SLITRK5: variants seen among roughly 807,000 people sequenced by gnomAD.
SLITRK5 encodes the protein SLIT and NTRK-like protein 5.
Under a neutral mutation model 56.2 loss-of-function variants are expected in SLITRK5, and 23 were observed. The observed-to-expected ratio is 0.41, with a 90% CI of 0.29 to 0.58. SLITRK5 has a LOEUF of 0.58. Ranked by LOEUF, SLITRK5 falls within the 20% of genes least tolerant of loss-of-function variation. SLITRK5 has a pLI of 0.30. For synonymous variants in SLITRK5, 637 were observed against 531.8 expected (o/e 1.20, Z -2.72); for missense variants, 1,289 against 1,226.6 (o/e 1.05, Z -0.76).
chr13:87,679,374 G>C lies in SLITRK5; in HGVS notation c.*1109G>C, dbSNP rs1045780846. ...TTGACTACTATTGTAGCCGATTTTC[G>C]ATTGTTTAACCAAACCCAGTTGCAT... On this transcript the variant is annotated 3_prime_UTR_variant, in exon 2 of 2. Transcript: ENST00000683689. 3 of 166,844 alleles carry C rather than the reference G, an allele frequency of 1.8e-5. No individual in the cohort carries two copies. The highest frequency in any genetic ancestry group is 4.4e-5 in the Non-Finnish European group (3 of 68,078). 10.3% of individuals were successfully genotyped at this position (166,844 alleles called of 1,614,324 possible).
chr13:87,677,491 C>T lies in SLITRK5; in HGVS notation c.2103C>T (p.Ser701=), dbSNP rs34892880. ...RRKKNQSDHT[S]TNNSDVSSFN... is the part of the protein sequence containing the mutation. ...AGAAGAACCAGAGCGACCACACCAG[C>T]ACCAACAACTCCGACGTGAGCTCCT... The change falls in exon 2 of 2, where the codon AGC becomes AGT. Residue 701 remains serine (S), a synonymous_variant. Coordinates refer to ENST00000683689, the MANE Select transcript of SLITRK5 (RefSeq NM_001384609.1). This position sits in a 1 kb window ranked among gnomAD's most constrained non-coding sequence, Gnocchi z 4.7. 0.01 allele frequency: 16,643 copies of T among 1,611,814 alleles called. 118 individuals are homozygous for T. The highest frequency in any genetic ancestry group is 0.012 in the Non-Finnish European group (13,680 of 1,179,944).
At chr13:87,673,667 C>T (rs1045624433) in intron 1 of SLITRK5, 10 of 497,480 alleles carry the variant, frequency 2.0e-5, no homozygotes, top group Admixed American at 1.6e-4. Flanking sequence ...GGGATACTTG[C>T]GAGGTTTATG....
In SLITRK5 at chr13:87,677,889, G is replaced by A; in HGVS notation, c.2501G>A (p.Ser834Asn). Residue 834 changes from serine (S) to asparagine (N), a missense_variant, in exon 2 of 2, where the codon AGC (serine) becomes AAC (asparagine). By Grantham distance (46) the Ser-to-Asn change is conservative (BLOSUM62 1). Around this residue, in one of 3 missense-constraint regions of SLITRK5, gnomAD observed 985 missense variants for 906.0 expected, o/e 1.09. Coordinates refer to ENST00000683689, the MANE Select transcript of SLITRK5 (RefSeq NM_001384609.1). This position sits in a 1 kb window ranked among gnomAD's most constrained non-coding sequence, Gnocchi z 4.7. ...CACCACTTGCGGAGCCCCGCCTACA[G>A]CGTCAGCACCATCGAGCCCCGGGAG... ...ESHHLRSPAYSVSTIEPREDL... is the reference protein window; with the variant it reads ...ESHHLRSPAYNVSTIEPREDL... The A allele has an allele frequency of 6.2e-7, 1 of 1,612,808 alleles. No individual in the cohort carries two copies. The highest frequency in any genetic ancestry group is 8.5e-7 in the Non-Finnish European group (1 of 1,179,522).
In SLITRK5 at chr13:87,677,567, C is replaced by A; in HGVS notation, c.2179C>A (p.Pro727Thr). Reference sequence around the variant, plus strand: ...CGGCGGCGGCGGCACGGGCGGCCACCCACACGCGCACGTGCATCACCGCGG... The same window carrying A: ...CGGCGGCGGCGGCACGGGCGGCCACACACACGCGCACGTGCATCACCGCGG... ...YGGGGGTGGHPHAHVHHRGPA... is the reference protein window; with the variant it reads ...YGGGGGTGGHTHAHVHHRGPA... The change falls in exon 2 of 2, where the codon CCA (proline) becomes ACA (threonine). Residue 727 changes from proline (P) to threonine (T), a missense_variant. Around this residue, in one of 3 missense-constraint regions of SLITRK5, gnomAD observed 985 missense variants for 906.0 expected, o/e 1.09. Transcript: ENST00000683689. This position sits in a 1 kb window ranked among gnomAD's most constrained non-coding sequence, Gnocchi z 4.7. The A allele has an allele frequency of 6.2e-7, 1 of 1,609,508 alleles. No individual in the cohort carries two copies. The highest frequency in any genetic ancestry group is 1.1e-5 in the South Asian group (1 of 90,920).
rs745556597 is a variant in SLITRK5, at chr13:87,676,726, G to A, written c.1338G>A (p.Ser446=). The A allele has an allele frequency of 6.2e-7, 1 of 1,613,934 alleles. No individual in the cohort carries two copies. Among genetic ancestry groups the A allele is most frequent in the Non-Finnish European group, 8.5e-7 (1 of 1,180,026 alleles). The change falls in exon 2 of 2, where the codon TCG becomes TCA. Residue 446 remains serine, a synonymous_variant. Transcript: ENST00000683689. ...TGCACCTGGGGAATAACCGCATCTC[G>A]ATGATCCAGGACCGCGCTTTCGGGG... The part of the protein sequence containing the change: ...DLLHLGNNRI[S]MIQDRAFGDL...
intron 1 of SLITRK5, chr13:87,673,425 T>G: frequency 2.0e-6 from 1 of 502,714 alleles, no homozygotes; most frequent in Non-Finnish European, 3.6e-6. Context: ...AACGCTGGAG[T>G]TTAATACTGG....
At position 87,679,253 on chromosome 13, in the gene SLITRK5, G is replaced by C. The variant is rs997942539; in HGVS notation, c.*988G>C. 3 of 167,050 alleles carry C rather than the reference G, an allele frequency of 1.8e-5. No homozygotes were observed. The highest frequency in any genetic ancestry group is 7.2e-5 in the African/African-American group (3 of 41,452). 10.3% of individuals were successfully genotyped at this position (167,050 alleles called of 1,614,324 possible). On this transcript the variant is annotated 3_prime_UTR_variant, in exon 2 of 2. Coordinates refer to ENST00000683689, the MANE Select transcript of SLITRK5 (RefSeq NM_001384609.1). ...ATGTATTTTAAAAAATAGGGCAATT[G>C]ATTGGGCCATTCCGAGAGAATTGTT...
chr13:87,673,492 A>C (rs1337546775), intron 1 of SLITRK5: 14 of 1,100,278 alleles, frequency 1.3e-5, no homozygotes, highest in Non-Finnish European at 1.6e-5. Flanking sequence ...GGGGGCGGGG[A>C]AGCACAGGGA....
In SLITRK5 at chr13:87,678,325, C is replaced by A; in HGVS notation, c.*60C>A. The stretch of plus-strand genomic sequence containing the variant: ...AAACAAACAAGCAAGCAGACACACA[C>A]AGTGAACACATTTGATTAATTGTGT... On this transcript the variant is annotated 3_prime_UTR_variant, in exon 2 of 2. Transcript: ENST00000683689. The A allele has an allele frequency of 7.1e-7, 1 of 1,417,128 alleles. No individual in the cohort carries two copies. The highest frequency in any genetic ancestry group is 9.7e-7 in the Non-Finnish European group (1 of 1,033,768). 87.8% of individuals were successfully genotyped at this position (1,417,128 alleles called of 1,614,324 possible). A position where few individuals can be genotyped will look rare whatever the true frequency, so the allele number is the denominator to read the frequency against.
At chr13:87,674,117 G>C (rs546208123) in intron 1 of SLITRK5, among the ~76,000 whole-genome samples, 1 of 151,920 alleles carries the variant, frequency 6.6e-6, no homozygotes, top group Non-Finnish European at 1.5e-5. Context: ...AGCCTTCAAG[G>C]GGACAAAAAG....
In SLITRK5 at chr13:87,678,600, G is replaced by C. The variant is rs1473248215; in HGVS notation, c.*335G>C. On this transcript the variant is annotated 3_prime_UTR_variant, in exon 2 of 2. Coordinates refer to ENST00000683689, the MANE Select transcript of SLITRK5 (RefSeq NM_001384609.1). ...GTGGTTGGAAGTGCTAAGAATGGTGGATGATGGCAGAGCATAGATTCTACT... is the reference window on the plus strand; with the variant it reads ...GTGGTTGGAAGTGCTAAGAATGGTGCATGATGGCAGAGCATAGATTCTACT... 1 of 255,820 alleles carries C rather than the reference G, an allele frequency of 3.9e-6. No individual in the cohort carries two copies. Among genetic ancestry groups the C allele is most frequent in the Non-Finnish European group, 8.0e-6 (1 of 125,432 alleles). 15.8% of individuals were successfully genotyped at this position (255,820 alleles called of 1,614,324 possible).
At position 87,678,146 on chromosome 13, in the gene SLITRK5, C is replaced by A; in HGVS notation, c.2758C>A (p.Pro920Thr). The change falls in exon 2 of 2, where the codon CCG (proline) becomes ACG (threonine). Residue 920 changes from proline to threonine, a missense_variant. Pro to Thr is a conservative substitution (Grantham distance 38). Around this residue, in one of 3 missense-constraint regions of SLITRK5, gnomAD observed 985 missense variants for 906.0 expected, o/e 1.09. Coordinates refer to ENST00000683689, the MANE Select transcript of SLITRK5 (RefSeq NM_001384609.1). ...RLREPVLYSP[P>T]SAVFVEPNRN... Reference sequence around the variant, plus strand: ...ACGGGAACCGGTGCTCTACAGCCCCCCGAGTGCTGTCTTTGTAGAACCCAA... The same window carrying A: ...ACGGGAACCGGTGCTCTACAGCCCCACGAGTGCTGTCTTTGTAGAACCCAA... The A allele has an allele frequency of 6.2e-7, 1 of 1,614,200 alleles. No individual in the cohort carries two copies. Among genetic ancestry groups the A allele is most frequent in the Non-Finnish European group, 8.5e-7 (1 of 1,180,046 alleles).
Position 87,672,224 on chromosome 13 carries a change from G to A in SLITRK5, c.-9+15G>A, listed in dbSNP as rs978798403. On this transcript the variant is annotated intron_variant, in intron 1 of 1. Transcript: ENST00000683689. ...AGATGGCAACTGTGAGTACCCCTGT[G>A]GGGGGGAGGGTGCAGCGAAGGCTGC... Among the ~76,000 whole-genome samples, 4 of 151,976 alleles carry A rather than the reference G, an allele frequency of 2.6e-5. No individual in the cohort carries two copies. The highest frequency in any genetic ancestry group is 5.9e-5 in the Non-Finnish European group (4 of 67,972).
rs772460649 is a variant in SLITRK5, at chr13:87,676,741, C to G, written c.1353C>G (p.Arg451=). Residue 451 remains arginine (R), a synonymous_variant, in exon 2 of 2, where the codon CGC becomes CGG. Coordinates refer to ENST00000683689, the MANE Select transcript of SLITRK5 (RefSeq NM_001384609.1). ...GNNRISMIQD[R]AFGDLTNLRR... The stretch of plus-strand genomic sequence containing the variant: ...ACCGCATCTCGATGATCCAGGACCG[C>G]GCTTTCGGGGATCTCACCAACCTGA... 6.2e-7 allele frequency: 1 copy of G among 1,614,078 alleles called. No homozygotes were observed. Among genetic ancestry groups the G allele is most frequent in the South Asian group, 1.1e-5 (1 of 91,082 alleles).
rs749661675 is a variant in SLITRK5 at position 87,675,956 on chromosome 13, T to C, written c.568T>C (p.Ser190Pro). 2.4e-5 allele frequency: 38 copies of C among 1,614,052 alleles called. No homozygotes were observed. Among genetic ancestry groups the C allele is most frequent in the Non-Finnish European group, 3.0e-5 (35 of 1,180,046 alleles). Residue 190 changes from serine (S) to proline (P), a missense_variant, in exon 2 of 2, where the codon TCC (serine) becomes CCC (proline). By Grantham distance (74) the Ser-to-Pro change is moderately conservative (BLOSUM62 -1). Around this residue, in one of 3 missense-constraint regions of SLITRK5, gnomAD observed 291 missense variants for 286.7 expected, o/e 1.02. Transcript: ENST00000683689. ...QVLILNDNLL[S>P]SLPNNLFRFV... Reference sequence around the variant, plus strand: ...GCTTATCCTCAATGACAATCTTTTGTCCAGTTTACCCAACAATCTTTTCCG... The same window carrying C: ...GCTTATCCTCAATGACAATCTTTTGCCCAGTTTACCCAACAATCTTTTCCG...
At position 87,678,030 on chromosome 13, in the gene SLITRK5, C is replaced by T; in HGVS notation, c.2642C>T (p.Pro881Leu). Residue 881 changes from proline to leucine, a missense_variant, in exon 2 of 2, where the codon CCG (proline) becomes CTG (leucine). Transcript: ENST00000683689. ...AGCCTCCCGGAATATCCCAAATTCC[C>T]GTGCAGCCCCGCTGCTTACACTTTC... ...GNSLPEYPKF[P>L]CSPAAYTFSP... 1 of 1,614,136 alleles carries T rather than the reference C, an allele frequency of 6.2e-7. No homozygotes were observed. Among genetic ancestry groups the T allele is most frequent in the Non-Finnish European group, 8.5e-7 (1 of 1,179,964 alleles).
In SLITRK5 at chr13:87,675,742, G is replaced by T. The variant is rs149464166; in HGVS notation, c.354G>T (p.Gln118His). The change falls in exon 2 of 2, where the codon CAG (glutamine) becomes CAT (histidine). Residue 118 changes from glutamine (Q) to histidine (H), a missense_variant. Gln to His is a conservative substitution (Grantham distance 24). Around this residue, in one of 3 missense-constraint regions of SLITRK5, gnomAD observed 291 missense variants for 286.7 expected, o/e 1.02. Coordinates refer to ENST00000683689, the MANE Select transcript of SLITRK5 (RefSeq NM_001384609.1). ...SILHLGSNVI[Q>H]DIETGAFHGL... is the part of the protein sequence containing the mutation. ...TGCATCTAGGTAGCAATGTTATCCA[G>T]GACATTGAGACCGGGGCTTTCCATG... The T allele has an allele frequency of 1.7e-4, 279 of 1,614,122 alleles. 2 individuals carry two copies. In the East Asian group the frequency reaches 5.3e-3, roughly 30 times the overall value.
Position 87,675,494 on chromosome 13 carries a change from T to C in SLITRK5, c.106T>C (p.Ser36Pro). Reference sequence around the variant, plus strand: ...GTTTGCTGTAACATCTCTCGTCCTTTCGTGTGCAGAAACCATCGATTATTA... The same window carrying C: ...GTTTGCTGTAACATCTCTCGTCCTTCCGTGTGCAGAAACCATCGATTATTA... ...LAFAVTSLVLSCAETIDYYGE... is the reference protein window; with the variant it reads ...LAFAVTSLVLPCAETIDYYGE... The change falls in exon 2 of 2, where the codon TCG becomes CCG. Residue 36 changes from serine to proline, a missense_variant. Around this residue, in one of 3 missense-constraint regions of SLITRK5, gnomAD observed 291 missense variants for 286.7 expected, o/e 1.02. Coordinates refer to ENST00000683689, the MANE Select transcript of SLITRK5 (RefSeq NM_001384609.1). The C allele has an allele frequency of 3.7e-6, 6 of 1,614,168 alleles. No homozygotes were observed. The highest frequency in any genetic ancestry group is 5.1e-6 in the Non-Finnish European group (6 of 1,180,034).
At chr13:87,673,707 C>T (rs935426028) in intron 1 of SLITRK5, 1 of 445,896 alleles carries the variant, frequency 2.2e-6, no homozygotes, top group Non-Finnish European at 4.5e-6. Context: ...CTCGACACGT[C>T]TGGGTGGCCA....
Sources: allele counts gnomAD v4.1 joint callset (sites outside exome capture counted in the v4.1 genomes callset), GRCh38; gene constraint gnomAD v4.1.1; regional missense constraint gnomAD v4.1.1; non-coding constraint Gnocchi (gnomAD v3.1); transcripts MANE v1.5; gene names NCBI Gene and HGNC (gene_info 2026-07-23, HGNC 2026-07-21).